Variants in MBOAT2 observed in about 807,000 individuals in gnomAD.
MBOAT2 encodes membrane bound glycerophospholipid O-acyltransferase 2.
MBOAT2 carries 28 observed loss-of-function variants against 63.4 expected under a neutral mutation model. The ratio of observed to expected loss-of-function variants is 0.44; its 90% CI spans 0.33 to 0.61. The LOEUF (loss-of-function observed/expected upper bound fraction) is 0.61, where lower values mean the gene tolerates loss of function less well. Among genes scored for constraint, MBOAT2 ranks in the 20% least tolerant of loss-of-function variants. MBOAT2 has a pLI of 0.03. For missense variants in MBOAT2, 470 were observed against 605.8 expected, an observed-to-expected ratio of 0.78 and a Z score of 2.35; for synonymous variants, 211 against 215.6, an observed-to-expected ratio of 0.98 and a Z score of 0.19.
chr2:8,927,524 T>A (rs529914453), intron 3 of MBOAT2, among the ~76,000 whole-genome samples: 1 of 152,106 alleles, frequency 6.6e-6, no homozygotes, highest in Non-Finnish European at 1.5e-5. Flanking sequence ...CTCCGTCGAG[T>A]TGCGTTTCTC....
intron 1 of MBOAT2, among the ~76,000 whole-genome samples, chr2:8,960,807 G>A (rs774469454): frequency 2.3e-4 from 35 of 152,166 alleles, no homozygotes; most frequent in Non-Finnish European, 1.6e-4. Flanking sequence ...CCAAAAATAT[G>A]TATAAAAAAT....
At position 8,987,122 on chromosome 2, in the gene MBOAT2, T is replaced by A. The variant is rs577629411; in HGVS notation, c.75+16418A>T. Among the ~76,000 whole-genome samples, 56 of 152,334 alleles carry A rather than the reference T, an allele frequency of 3.7e-4. No homozygotes were observed. The South Asian group carries it at 0.011, about 30-fold the overall frequency. ...CAGCTGTGACAAATGACCATACTAA[T>A]GAAACATGTAAACAAGAGGAAAAAC... is the stretch of plus-strand genomic sequence containing the variant. On this transcript the variant is annotated intron_variant, in intron 1 of 12. Transcript: ENST00000305997.
At chr2:8,878,379 A>G (rs1662854228) in intron 6 of MBOAT2, among the ~76,000 whole-genome samples, 1 of 152,248 alleles carries the variant, frequency 6.6e-6, no homozygotes, top group South Asian at 2.1e-4. Context: ...TCACAAAGAA[A>G]GCACAACTGC....
chr2:8,873,533 A>T (rs192878663), intron 7 of MBOAT2, among the ~76,000 whole-genome samples: 1 of 152,312 alleles, frequency 6.6e-6, no homozygotes, highest in Admixed American at 6.5e-5. Flanking sequence ...AACTCATACT[A>T]AAATCTCCAT....
rs67420836 is a variant in MBOAT2, at chr2:8,912,373, G to GAAAGAGAAAGAA, written c.300-3658_300-3657insTTCTTTCTCTTT. On this transcript the variant is annotated intron_variant, in intron 3 of 12. Transcript: ENST00000305997. ...AAAGAGAAAGAAAGAAAGAAAGAAA[G>GAAAGAGAAAGAA]AGAAAGAAAGAAAGAAAGAAAGAAA... is the stretch of plus-strand genomic sequence containing the variant. 4.0e-3 allele frequency among the ~76,000 whole-genome samples: 334 copies of GAAAGAGAAAGAA among 84,318 alleles called. 1 individual carries two copies. Among genetic ancestry groups the GAAAGAGAAAGAA allele is most frequent in the Non-Finnish European group, 6.0e-3 (243 of 40,658 alleles). 55.3% of individuals were successfully genotyped at this position (84,318 alleles called of 152,430 possible).
chr2:8,925,693 A>G (rs193006975), intron 3 of MBOAT2, among the ~76,000 whole-genome samples: 3 of 152,292 alleles, frequency 2.0e-5, no homozygotes, highest in South Asian at 2.1e-4. Context: ...ATTGAACAAG[A>G]CTCACAGTCC....
intron 1 of MBOAT2, among the ~76,000 whole-genome samples, chr2:8,986,207 C>CAAAAAA (rs749608343): frequency 1.3e-5 from 1 of 74,378 alleles, no homozygotes; most frequent in African/African-American, 5.2e-5. Flanking sequence ...ACAAGGTCAC[C>CAAAAAA]AAAAAAAAAA....
chr2:8,946,744 C>G (rs1027376621), intron 2 of MBOAT2, among the ~76,000 whole-genome samples: 2 of 152,136 alleles, frequency 1.3e-5, no homozygotes, highest in South Asian at 2.1e-4. Flanking sequence ...CAAACTGTGC[C>G]CACATAAGAA....
intron 1 of MBOAT2, among the ~76,000 whole-genome samples, chr2:8,969,288 G>A (rs895205833): frequency 6.6e-6 from 1 of 152,152 alleles, no homozygotes; most frequent in South Asian, 2.1e-4. Flanking sequence ...ATAAGTGAAG[G>A]AGAAATAAAA....
In MBOAT2 at chr2:9,003,662, C is replaced by CTG. The variant is rs1672881861; in HGVS notation, c.-50_-49dup. On this transcript the variant is annotated 5_prime_UTR_variant, in exon 1 of 13. Transcript: ENST00000305997. This position sits in a 1 kb window ranked among gnomAD's most constrained non-coding sequence, Gnocchi z 5.4. ...CGCCCGCGCCGCTCGCCCGCTCGCG[C>CTG]TGTGCCGGGCGACGACGAGGATGGG... 9.1e-7 allele frequency: 1 copy of CTG among 1,103,752 alleles called. No individual in the cohort carries two copies. Among genetic ancestry groups the CTG allele is most frequent in the South Asian group, 4.3e-5 (1 of 22,996 alleles). 68.4% of individuals were successfully genotyped at this position (1,103,752 alleles called of 1,614,324 possible).
chr2:8,952,736 C>T (rs892465582), intron 2 of MBOAT2, among the ~76,000 whole-genome samples: 1 of 148,146 alleles, frequency 6.8e-6, no homozygotes, highest in Non-Finnish European at 1.5e-5. Flanking sequence ...TTATGTAACG[C>T]CCTTTTTTTT....
chr2:8,950,427 T>C (rs188805878), intron 2 of MBOAT2, among the ~76,000 whole-genome samples: 14 of 151,608 alleles, frequency 9.2e-5, no homozygotes, highest in African/African-American at 3.2e-4. Flanking sequence ...CAGTTTGTTT[T>C]TTGTTTGTTT....
At position 8,865,898 on chromosome 2, in the gene MBOAT2, G is replaced by A. The variant is rs376230000; in HGVS notation, c.988-1664C>T. ...CTAAAAATACAAACATTGGCCGGGC[G>A]TGGTGGCAGGCACCTGGAATCCCAG... On this transcript the variant is annotated intron_variant, in intron 9 of 12. Coordinates refer to ENST00000305997, the MANE Select transcript of MBOAT2 (RefSeq NM_138799.4). Among the ~76,000 whole-genome samples, 9 of 152,288 alleles carry A rather than the reference G, an allele frequency of 5.9e-5. 1 individual carries two copies. The highest frequency in any genetic ancestry group is 2.1e-4 in the South Asian group (1 of 4,826).
intron 9 of MBOAT2, among the ~76,000 whole-genome samples, chr2:8,867,690 G>C (rs1662001152): frequency 6.6e-6 from 1 of 152,098 alleles, no homozygotes; most frequent in South Asian, 2.1e-4. Context: ...AAATTCTGTT[G>C]AGTCTCTTAC....
At chr2:8,998,766 G>A (rs1672483333) in intron 1 of MBOAT2, among the ~76,000 whole-genome samples, 1 of 151,714 alleles carries the variant, frequency 6.6e-6, no homozygotes, top group Non-Finnish European at 1.5e-5. Context: ...TCGACTTCAG[G>A]GACCTTCAGT....
intron 6 of MBOAT2, among the ~76,000 whole-genome samples, chr2:8,881,371 G>C (rs1663122291): frequency 6.6e-6 from 1 of 152,188 alleles, no homozygotes; most frequent in African/African-American, 2.4e-5. Flanking sequence ...TCTTAGAAGA[G>C]TGTGGGCAAG....
intron 7 of MBOAT2, 173 bp downstream of exon 7, chr2:8,876,857 T>G (rs1043359740): frequency 1.8e-6 from 1 of 559,414 alleles, no homozygotes. Flanking sequence ...GTGACCTTAT[T>G]TGTGTTCTTA....
chr2:8,926,588 G>A (rs374278726), intron 3 of MBOAT2, among the ~76,000 whole-genome samples: 30 of 152,302 alleles, frequency 2.0e-4, no homozygotes, highest in African/African-American at 6.5e-4. Flanking sequence ...CATTATGGCC[G>A]GGCCTGGCTC....
intron 1 of MBOAT2, among the ~76,000 whole-genome samples, chr2:8,977,829 T>A (rs548788759): frequency 6.1e-4 from 93 of 152,198 alleles, no homozygotes; most frequent in Middle Eastern, 3.4e-3. Context: ...AACTGCACCA[T>A]CACACTTCAA....
Sources: allele counts gnomAD v4.1 joint callset (sites outside exome capture counted in the v4.1 genomes callset), GRCh38; gene constraint gnomAD v4.1.1; non-coding constraint Gnocchi (gnomAD v3.1); transcripts MANE v1.5; gene names NCBI Gene and HGNC (gene_info 2026-07-23, HGNC 2026-07-21).